The following TRPM8 variants were observed in gnomAD, a reference collection of about 807,000 sequenced individuals.
TRPM8 encodes the protein TRPM8 cationic channel.
TRPM8 carries 110 observed loss-of-function variants against 133.7 expected under a neutral mutation model. The ratio of observed to expected loss-of-function variants is 0.82; its 90% CI spans 0.70 to 0.96. TRPM8 has a LOEUF of 0.96. Among genes scored for constraint, TRPM8 ranks in the 40% least tolerant of loss-of-function variants. The probability of loss-of-function intolerance (pLI) is 0.00; values close to 1 mark genes in which losing one functional copy is unlikely to be tolerated. For synonymous variants in TRPM8, 535 were observed against 532.3 expected (o/e 1.01, Z -0.07); for missense variants, 1,291 against 1,379.5 (o/e 0.94, Z 1.02).
intron 11 of TRPM8, among the ~76,000 whole-genome samples, chr2:233,957,283 T>C (rs902039554): frequency 6.6e-5 from 10 of 151,934 alleles, no homozygotes; most frequent in Non-Finnish European, 1.5e-4. Context: ...TCCAAGAGTT[T>C]GAGATCAGTC....
chr2:233,983,376 C>G (rs1692063362), intron 20 of TRPM8, 152 bp downstream of exon 20: 1 of 795,410 alleles, frequency 1.3e-6, no homozygotes, highest in African/African-American at 1.7e-5. Context: ...CTCAAAACCT[C>G]TTCTTTGCTC....
In TRPM8 at chr2:233,945,971, C is replaced by A; in HGVS notation, c.815C>A (p.Thr272Asn). The A allele has an allele frequency of 6.2e-7, 1 of 1,614,176 alleles. No homozygotes were observed. Among genetic ancestry groups the A allele is most frequent in the Admixed American group, 1.7e-5 (1 of 60,018 alleles). ...LVDNGCHGHP[T>N]VEAKLRNQLE... is the part of the protein sequence containing the mutation. ...GACAATGGCTGTCATGGACATCCCA[C>A]TGTCGAAGCAAAGCTCCGGAATCAG... Residue 272 changes from threonine (T) to asparagine (N), a missense_variant, in exon 7 of 26, where the codon ACT (threonine) becomes AAT (asparagine). Physicochemically the swap from Thr to Asn is moderately conservative, Grantham distance 65. This residue lies in a region of TRPM8 where 963 missense variants were observed against 968.9 expected (regional missense o/e 0.99). Coordinates refer to ENST00000324695, the MANE Select transcript of TRPM8 (RefSeq NM_024080.5).
chr2:233,944,011 G>T (rs28901633), intron 6 of TRPM8, among the ~76,000 whole-genome samples: 5,328 of 152,188 alleles, frequency 0.035, 301 homozygotes, highest in African/African-American at 0.12. Context: ...GCATGGTAGA[G>T]GGGGAGGAGG....
intron 21 of TRPM8, among the ~76,000 whole-genome samples, chr2:233,986,089 C>G (rs1692143022): frequency 1.3e-5 from 2 of 152,226 alleles, no homozygotes; most frequent in Admixed American, 1.3e-4. Flanking sequence ...GCACCTGTGA[C>G]AATCTTCATC....
intron 21 of TRPM8, among the ~76,000 whole-genome samples, chr2:233,996,069 G>A (rs891285451): frequency 2.7e-5 from 4 of 149,440 alleles, no homozygotes; most frequent in Non-Finnish European, 5.9e-5. Flanking sequence ...TAATTTTAAA[G>A]TTTGTTGAGC....
In TRPM8 at chr2:233,980,546, T is replaced by A. The variant is rs1240818312; in HGVS notation, c.2447+267T>A. Reference sequence around the variant, plus strand: ...AGACTTTGGGGAGAATTATTTTTTTTAAGTAGAGATGAGGTTTCATCATGT... The same window carrying A: ...AGACTTTGGGGAGAATTATTTTTTTAAAGTAGAGATGAGGTTTCATCATGT... On this transcript the variant is annotated intron_variant, in intron 18 of 25. Coordinates refer to ENST00000324695, the MANE Select transcript of TRPM8 (RefSeq NM_024080.5). Among the ~76,000 whole-genome samples the A allele has an allele frequency of 2.0e-5, 3 of 152,150 alleles. No homozygotes were observed. In the East Asian group the frequency reaches 5.8e-4, roughly 29 times the overall value.
intron 16 of TRPM8, 110 bp from the exon 17 acceptor site, chr2:233,970,100 C>G: frequency 9.6e-7 from 1 of 1,044,548 alleles, no homozygotes; most frequent in South Asian, 1.3e-5. Context: ...TTGCTCCCGT[C>G]TCTTCCTCCT....
chr2:233,948,549 A>G (rs28946912), intron 8 of TRPM8, among the ~76,000 whole-genome samples: 6,473 of 152,340 alleles, frequency 0.042, 175 homozygotes, highest in East Asian at 0.08. Context: ...ATATGGTTAC[A>G]TTTATTATCT....
intron 3 of TRPM8, among the ~76,000 whole-genome samples, chr2:233,931,591 T>A (rs1229399319): frequency 6.6e-6 from 1 of 152,234 alleles, no homozygotes; most frequent in Non-Finnish European, 1.5e-5. Flanking sequence ...TATTCTCTTT[T>A]CTAAAGCTAA....
intron 25 of TRPM8, 121 bp downstream of exon 25, chr2:234,014,775 T>C (rs1692918416): frequency 2.5e-6 from 1 of 401,902 alleles, no homozygotes; most frequent in South Asian, 3.6e-5. Flanking sequence ...TTGAAAATAA[T>C]GCATTGTGCA....
At chr2:233,939,267 G>A in intron 5 of TRPM8, 92 bp downstream of exon 5, 1 of 1,384,374 alleles carries the variant, frequency 7.2e-7, no homozygotes, top group South Asian at 1.3e-5. Flanking sequence ...CAATTCCGGA[G>A]AATCCGGGTG....
chr2:233,953,894 A>G, intron 9 of TRPM8, 23 bp from the exon 10 acceptor site: 2 of 1,591,660 alleles, frequency 1.3e-6, no homozygotes, highest in Non-Finnish European at 8.6e-7. Context: ...GTTGGCTGAC[A>G]CTTTGTTCTT....
At position 233,996,364 on chromosome 2, in the gene TRPM8, T is replaced by G. The variant is rs1189632933; in HGVS notation, c.2978T>G (p.Val993Gly). The change falls in exon 22 of 26, where the codon GTC (valine) becomes GGC (glycine). Residue 993 changes from valine to glycine, a missense_variant. By Grantham distance (109) the Val-to-Gly change is moderately radical (BLOSUM62 -3). Transcript: ENST00000324695. ...ACCGTCCAGGAGAACAATGACCAGG[T>G]CTGGAAGTTCCAGAGGTACTTCCTG... Reference protein sequence around the residue: ...VGTVQENNDQVWKFQRYFLVQ... With the variant: ...VGTVQENNDQGWKFQRYFLVQ... 1 of 1,614,198 alleles carries G rather than the reference T, an allele frequency of 6.2e-7. No homozygotes were observed. Among genetic ancestry groups the G allele is most frequent in the Non-Finnish European group, 8.5e-7 (1 of 1,180,048 alleles).
At chr2:233,999,932 T>C (rs1200740051) in intron 22 of TRPM8, among the ~76,000 whole-genome samples, 1 of 152,172 alleles carries the variant, frequency 6.6e-6, no homozygotes, top group Non-Finnish European at 1.5e-5. Flanking sequence ...AGAGCCTCTT[T>C]AGCATACTCT....
intron 24 of TRPM8, among the ~76,000 whole-genome samples, chr2:234,012,400 A>C (rs113993121): frequency 0.21 from 31,068 of 149,930 alleles, 3,414 homozygotes; most frequent in Middle Eastern, 0.3. Context: ...CCTGCCTTGG[A>C]CTCCCAAAGT....
At chr2:233,985,062 C>A (rs1260810779) in intron 20 of TRPM8, among the ~76,000 whole-genome samples, 1 of 147,850 alleles carries the variant, frequency 6.8e-6, no homozygotes, top group Non-Finnish European at 1.5e-5. Flanking sequence ...CCAGCCTCGG[C>A]ATCAGAGTGA....
rs202124757 is a variant in TRPM8 at position 233,969,653 on chromosome 2, G to A, written c.2026-42G>A. 126 of 1,231,216 alleles carry A rather than the reference G, an allele frequency of 1.0e-4. No homozygotes were observed. In the South Asian group the frequency reaches 1.5e-3, roughly 14 times the overall value. The allele number at this position is 1,231,216 out of a possible 1,614,324, so 76.3% of individuals were successfully genotyped here. ...TTTGCATGGCATCCTGCATACAATT[G>A]TGTTAATAAGGACCTTGTTCTCTGT... On this transcript the variant is annotated intron_variant, in intron 15 of 25. Transcript: ENST00000324695.
At chr2:233,963,455 A>C (rs1162798568) in intron 13 of TRPM8, 78 bp downstream of exon 13, 1 of 805,034 alleles carries the variant, frequency 1.2e-6, no homozygotes, top group East Asian at 2.7e-5. Flanking sequence ...CAAAATTCGC[A>C]TGCCTAATAT....
chr2:234,008,436 G>A (rs1289650426), intron 24 of TRPM8, among the ~76,000 whole-genome samples: 1 of 152,196 alleles, frequency 6.6e-6, no homozygotes, highest in Non-Finnish European at 1.5e-5. Flanking sequence ...CTTTTTGGGA[G>A]CCAGTGTGCC....
Sources: allele counts gnomAD v4.1 joint callset (sites outside exome capture counted in the v4.1 genomes callset), GRCh38; gene constraint gnomAD v4.1.1; regional missense constraint gnomAD v4.1.1; transcripts MANE v1.5; gene names NCBI Gene and HGNC (gene_info 2026-07-23, HGNC 2026-07-21).